AXL: variants seen among roughly 807,000 people sequenced by gnomAD.
AXL encodes the protein AXL receptor tyrosine kinase.
A neutral mutation model predicts 104.5 loss-of-function variants in AXL; 52 were observed. The ratio of observed to expected loss-of-function variants is 0.50; its 90% CI spans 0.40 to 0.63. The LOEUF is 0.63. AXL is among the 20% of genes least tolerant of loss of function. The pLI is 0.00. For missense variants in AXL, 1,024 were observed against 1,188.5 expected (o/e 0.86, Z 2.04); for synonymous variants, 455 against 473.7 (o/e 0.96, Z 0.51).
chr19:41,244,063 G>T (rs1298492593), intron 12 of AXL, among the ~76,000 whole-genome samples: 1 of 151,940 alleles, frequency 6.6e-6, no homozygotes, highest in Non-Finnish European at 1.5e-5. Flanking sequence ...AATTAGCCAG[G>T]TATGGTGGTG....
chr19:41,224,515 TG>T (rs1372898889), intron 4 of AXL, among the ~76,000 whole-genome samples: 1 of 152,100 alleles, frequency 6.6e-6, no homozygotes, highest in African/African-American at 2.4e-5. Context: ...CTCAAGCAGC[TG>T]GGACTATAGG....
At chr19:41,252,291 G>A (rs937304304) in intron 14 of AXL, 60 bp from the exon 15 acceptor site, 45 of 1,350,148 alleles carry the variant, frequency 3.3e-5, no homozygotes, top group Non-Finnish European at 4.5e-5. Flanking sequence ...TGGAGTGGAG[G>A]TGGAGGGAGA....
chr19:41,255,449 CT>C (rs1568418831), intron 17 of AXL, among the ~76,000 whole-genome samples: 1 of 130,342 alleles, frequency 7.7e-6, no homozygotes, highest in Admixed American at 8.1e-5. Flanking sequence ...TCTTTCTTTT[CT>C]TTTTTGTTTT....
chr19:41,231,380 C>T, intron 6 of AXL, 82 bp downstream of exon 6: 2 of 1,292,716 alleles, frequency 1.5e-6, no homozygotes, highest in Non-Finnish European at 2.2e-6. Flanking sequence ...CCCTGGGAAC[C>T]CACCACTTCT....
At chr19:41,224,963 T>C (rs1426881759) in intron 4 of AXL, among the ~76,000 whole-genome samples, 1 of 152,228 alleles carries the variant, frequency 6.6e-6, no homozygotes, top group African/African-American at 2.4e-5. Context: ...CTTGTGTGTC[T>C]GCATCAGGCC....
chr19:41,253,775 C>G, intron 17 of AXL, 67 bp downstream of exon 17: 2 of 1,293,934 alleles, frequency 1.5e-6, no homozygotes, highest in Non-Finnish European at 2.2e-6. Flanking sequence ...TTCCCTCCCT[C>G]CTTCTTAGGA....
chr19:41,234,712 A>C lies in AXL; in HGVS notation c.784-3232A>C, dbSNP rs571607326. 3.3e-5 allele frequency among the ~76,000 whole-genome samples: 5 copies of C among 152,286 alleles called. No individual in the cohort carries two copies. In the East Asian group the frequency reaches 9.6e-4, roughly 29 times the overall value. On this transcript the variant is annotated intron_variant, in intron 6 of 19. Transcript: ENST00000301178. ...GAGACTCAGAGAAGTTAAGACACTC[A>C]CTCTAGGTCACACAGCAAACAACAT...
chr19:41,252,794 T>C, intron 15 of AXL, 52 bp from the exon 16 acceptor site: 2 of 1,607,984 alleles, frequency 1.2e-6, no homozygotes, highest in Non-Finnish European at 1.7e-6. Flanking sequence ...GGTGGGGGGC[T>C]TGGCTTCCCC....
At chr19:41,252,045 G>A (rs189859959) in intron 14 of AXL, among the ~76,000 whole-genome samples, 166 of 149,634 alleles carry the variant, frequency 1.1e-3, no homozygotes, top group African/African-American at 3.8e-3. Flanking sequence ...CCCGAGAGGC[G>A]GAGGTTGCAG....
chr19:41,247,430 G>A (rs2034288797), intron 12 of AXL, among the ~76,000 whole-genome samples: 1 of 152,124 alleles, frequency 6.6e-6, no homozygotes, highest in Admixed American at 6.5e-5. Context: ...TTGAACCTGA[G>A]AGGCGGAGGT....
chr19:41,230,703 CTGTG>C (rs2033970520), intron 4 of AXL, among the ~76,000 whole-genome samples: 1 of 151,560 alleles, frequency 6.6e-6, no homozygotes, highest in South Asian at 2.1e-4. Flanking sequence ...GTGCCTGTGC[CTGTG>C]TGTGTCTGTG....
intron 4 of AXL, among the ~76,000 whole-genome samples, chr19:41,225,728 GTGTT>G (rs1374364158): frequency 1.3e-5 from 2 of 152,134 alleles, no homozygotes; most frequent in South Asian, 2.1e-4. Context: ...TTGTGTCACT[GTGTT>G]TGTGACATCA....
At chr19:41,231,355 C>A in intron 6 of AXL, 57 bp downstream of exon 6, 1 of 1,463,330 alleles carries the variant, frequency 6.8e-7, no homozygotes, top group Non-Finnish European at 9.4e-7. Flanking sequence ...CCCACATCCA[C>A]AACCCCCATC....
intron 12 of AXL, among the ~76,000 whole-genome samples, chr19:41,246,519 T>C (rs543790398): frequency 1.3e-5 from 2 of 149,912 alleles, no homozygotes; most frequent in Non-Finnish European, 3.0e-5. Context: ...GTGGGCAACA[T>C]GGCAAAACCC....
At chr19:41,226,538 T>C (rs1245389845) in intron 4 of AXL, among the ~76,000 whole-genome samples, 2 of 152,326 alleles carry the variant, frequency 1.3e-5, no homozygotes, top group Non-Finnish European at 2.9e-5. Context: ...CTGCAGACTT[T>C]GCACCATTCC....
At chr19:41,243,493 A>G in intron 11 of AXL, 123 bp from the exon 12 acceptor site, 1 of 792,362 alleles carries the variant, frequency 1.3e-6, no homozygotes, top group Non-Finnish European at 2.2e-6. Context: ...AGGCATGCTC[A>G]GCAAATGTTA....
intron 10 of AXL, among the ~76,000 whole-genome samples, chr19:41,241,462 T>A (rs1197537572): frequency 6.9e-6 from 1 of 144,472 alleles, no homozygotes; most frequent in Non-Finnish European, 1.5e-5. Flanking sequence ...AAGAATTGCT[T>A]GAACCTGGGA....
rs974676171 is a variant in AXL at position 41,225,970 on chromosome 19, G to A, written c.586+3914G>A. 2.0e-5 allele frequency among the ~76,000 whole-genome samples: 3 copies of A among 152,188 alleles called. No individual in the cohort carries two copies. In the South Asian group the frequency reaches 6.2e-4, roughly 31 times the overall value. ...TGGAAAAGCTGGGGCGGAGAGCAGGGGTTGTGGGGGGATGGTCAGGACATC... is the reference window on the plus strand; with the variant it reads ...TGGAAAAGCTGGGGCGGAGAGCAGGAGTTGTGGGGGGATGGTCAGGACATC... On this transcript the variant is annotated intron_variant, in intron 4 of 19. Transcript: ENST00000301178.
chr19:41,228,154 C>T (rs4802111), intron 4 of AXL, among the ~76,000 whole-genome samples: 77,524 of 151,956 alleles, frequency 0.51, 20,751 homozygotes, highest in African/African-American at 0.67. Context: ...CTGTGTCTCT[C>T]GTGTTTGTCT....
Sources: allele counts gnomAD v4.1 joint callset (sites outside exome capture counted in the v4.1 genomes callset), GRCh38; gene constraint gnomAD v4.1.1; transcripts MANE v1.5; gene names NCBI Gene and HGNC (gene_info 2026-07-23, HGNC 2026-07-21).